The following CHAT variants were observed in gnomAD, a reference collection of about 807,000 sequenced individuals.
The protein encoded by CHAT is choline O-acetyltransferase.
Under a neutral mutation model 76.9 loss-of-function variants are expected in CHAT, and 61 were observed. That is an observed-to-expected ratio of 0.79 (90% CI 0.65 to 0.98). The LOEUF (loss-of-function observed/expected upper bound fraction) is 0.98, where lower values mean the gene tolerates loss of function less well. Among genes scored for constraint, CHAT ranks in the 50% least tolerant of loss-of-function variants. The probability of loss-of-function intolerance (pLI) is 0.00; values close to 1 mark genes in which losing one functional copy is unlikely to be tolerated. For synonymous variants in CHAT, 407 were observed against 397.4 expected (o/e 1.02, Z -0.29); for missense variants, 946 against 986.9 (o/e 0.96, Z 0.56).
chr10:49,623,202 C>T (rs12253373), intron 5 of CHAT, among the ~76,000 whole-genome samples: 2,637 of 152,220 alleles, frequency 0.017, 76 homozygotes, highest in African/African-American at 0.059. Context: ...TCCAGCTCAC[C>T]GTCCTGTCTG....
chr10:49,647,682 A>G (rs1310365627), intron 8 of CHAT, among the ~76,000 whole-genome samples: 1 of 152,216 alleles, frequency 6.6e-6, no homozygotes, highest in East Asian at 1.9e-4. Context: ...GTGAACCGAT[A>G]TAATACATGC....
chr10:49,611,609 A>G (rs759917362), upstream of CHAT: 2 of 1,611,062 alleles, frequency 1.2e-6, no homozygotes, highest in East Asian at 4.5e-5. Context: ...CTAGACCCCT[A>G]CATTGCCGTG....
chr10:49,614,691 C>A (rs992171663), intron 1 of CHAT, among the ~76,000 whole-genome samples: 7 of 152,346 alleles, frequency 4.6e-5, no homozygotes, highest in African/African-American at 1.7e-4. Flanking sequence ...ACCATCAGGG[C>A]TTCGGGACTC....
chr10:49,629,069 C>T (rs1255547310), intron 7 of CHAT, among the ~76,000 whole-genome samples: 3 of 152,268 alleles, frequency 2.0e-5, no homozygotes, highest in Non-Finnish European at 2.9e-5. Context: ...GTGGCCCGTT[C>T]GCTTACCTTG....
chr10:49,614,933 AC>A (rs1838430233), intron 1 of CHAT, among the ~76,000 whole-genome samples: 1 of 152,166 alleles, frequency 6.6e-6, no homozygotes, highest in African/African-American at 2.4e-5. Context: ...CTGGGGTTGG[AC>A]CTTCGGGGCA....
At chr10:49,636,270 A>C (rs1446904808) in intron 7 of CHAT, among the ~76,000 whole-genome samples, 1 of 152,110 alleles carries the variant, frequency 6.6e-6, no homozygotes, top group African/African-American at 2.4e-5. Flanking sequence ...TAATGTAATC[A>C]TGTTATTTTT....
At chr10:49,610,706 C>T (rs781765288), upstream of CHAT, 32 of 1,461,724 alleles carry the variant, frequency 2.2e-5, no homozygotes, top group Middle Eastern at 2.1e-4. Flanking sequence ...TCGGCCCTGG[C>T]GGAGGCGTCC....
At position 49,667,549 on chromosome 10, in the gene CHAT, C is replaced by T. The variant is rs900707048; in HGVS notation, c.*2503C>T. ...CTGGTCTTCCCCCTCCAAGAATACA[C>T]GGGTGCACTGAGTCTTTATGCAAAG... On this transcript the variant is annotated 3_prime_UTR_variant, in exon 15 of 15. Coordinates refer to ENST00000337653, the MANE Select transcript of CHAT (RefSeq NM_020549.5). 1.3e-5 allele frequency among the ~76,000 whole-genome samples: 2 copies of T among 152,164 alleles called. No individual in the cohort carries two copies. Among genetic ancestry groups the T allele is most frequent in the Non-Finnish European group, 2.9e-5 (2 of 68,030 alleles).
chr10:49,624,269 G>A (rs145251122), intron 5 of CHAT, among the ~76,000 whole-genome samples: 163 of 152,276 alleles, frequency 1.1e-3, no homozygotes, highest in African/African-American at 3.4e-3. Context: ...CTAGAAAAAC[G>A]GTATGAAATA....
intron 7 of CHAT, among the ~76,000 whole-genome samples, chr10:49,632,456 C>T (rs967195774): frequency 1.4e-4 from 22 of 152,120 alleles, no homozygotes; most frequent in African/African-American, 5.3e-4. Context: ...GCATAGCTCC[C>T]AACCCTCTCA....
At chr10:49,609,686 G>A (rs1335182766), upstream of CHAT, among the ~76,000 whole-genome samples, 2 of 152,060 alleles carry the variant, frequency 1.3e-5, no homozygotes, top group African/African-American at 4.8e-5. Flanking sequence ...CGGTGGGTCA[G>A]AGCCAGGCCA....
At position 49,665,159 on chromosome 10, in the gene CHAT, C is replaced by A; in HGVS notation, c.*113C>A. On this transcript the variant is annotated 3_prime_UTR_variant, in exon 15 of 15. Transcript: ENST00000337653. ...TCCACAGCTCCCTGTCCTCAGGGTC[C>A]AACTCACAGACCATACAGAGACATC... The A allele has an allele frequency of 8.7e-7, 1 of 1,155,432 alleles. No individual in the cohort carries two copies. 71.6% of individuals were successfully genotyped at this position (1,155,432 alleles called of 1,614,324 possible). A position where few individuals can be genotyped will look rare whatever the true frequency, so the allele number is the denominator to read the frequency against.
chr10:49,659,789 G>A (rs543071254), intron 13 of CHAT, among the ~76,000 whole-genome samples: 2 of 151,978 alleles, frequency 1.3e-5, no homozygotes, highest in Admixed American at 6.6e-5. Context: ...ATGAACCCAG[G>A]GGGTGGAAGT....
upstream of CHAT, chr10:49,610,690 C>T: frequency 6.9e-7 from 1 of 1,446,682 alleles, no homozygotes; most frequent in Non-Finnish European, 9.0e-7. Flanking sequence ...TGCGGGACGC[C>T]AGCGCTCGGC....
intron 5 of CHAT, 22 bp from the exon 6 acceptor site, chr10:49,625,451 C>T (rs1838882362): frequency 6.2e-7 from 1 of 1,611,324 alleles, no homozygotes; most frequent in Admixed American, 1.7e-5. Context: ...TGGCTGCCTC[C>T]CTTCCCACTC....
chr10:49,633,246 T>C (rs1438741529), intron 7 of CHAT, among the ~76,000 whole-genome samples: 1 of 151,996 alleles, frequency 6.6e-6, no homozygotes, highest in African/African-American at 2.4e-5. Context: ...AGGGACAGAG[T>C]GGGGCCAAGG....
chr10:49,658,740 T>G (rs1840106081), intron 13 of CHAT, among the ~76,000 whole-genome samples: 1 of 151,900 alleles, frequency 6.6e-6, no homozygotes, highest in Non-Finnish European at 1.5e-5. Context: ...AAACTTGAAA[T>G]GAAAAAAGTA....
chr10:49,661,394 C>G (rs1211563982), intron 13 of CHAT: 4 of 152,188 alleles, frequency 2.6e-5, no homozygotes, highest in Non-Finnish European at 4.4e-5. Context: ...GCTCACCGTT[C>G]TTTCCTTCGG....
intron 7 of CHAT, among the ~76,000 whole-genome samples, chr10:49,637,040 CTTTTT>C (rs534812454): frequency 2.1e-5 from 3 of 144,134 alleles, no homozygotes; most frequent in Admixed American, 2.1e-4. Context: ...TTCTCCCTCT[CTTTTT>C]TTTTTTGTCA....
Sources: allele counts gnomAD v4.1 joint callset (sites outside exome capture counted in the v4.1 genomes callset), GRCh38; gene constraint gnomAD v4.1.1; transcripts MANE v1.5; gene names NCBI Gene and HGNC (gene_info 2026-07-23, HGNC 2026-07-21).